Variants in ANP32E observed in about 807,000 individuals in gnomAD.
ANP32E encodes the protein acidic leucine-rich nuclear phosphoprotein 32 family member E.
ANP32E carries 14 observed loss-of-function variants against 35.3 expected under a neutral mutation model. That is an observed-to-expected ratio of 0.40 (90% confidence interval 0.26 to 0.62). ANP32E has a LOEUF of 0.62. ANP32E is among the 20% of genes least tolerant of loss of function. The pLI is 0.45. For synonymous variants in ANP32E, 89 were observed against 110.4 expected (o/e 0.81, Z 1.22); for missense variants, 198 against 304.4 (o/e 0.65, Z 2.60).
intron 6 of ANP32E, among the ~76,000 whole-genome samples, chr1:150,221,604 G>GGGCAGGAAGGAAGGAAGGAAGGAAGGAA (rs1648409806): frequency 5.4e-5 from 2 of 36,866 alleles, no homozygotes; most frequent in Admixed American, 3.1e-4. Context: ...GAGGGAGGGA[G>GGGCAGGAAGGAAGGAAGGAAGGAAGGAA]GGAAGGAAGG....
chr1:150,222,055 T>C (rs756234847), intron 6 of ANP32E, among the ~76,000 whole-genome samples: 5 of 151,862 alleles, frequency 3.3e-5, no homozygotes. Context: ...ATTGCCACAC[T>C]GCACTCACTG....
chr1:150,224,256 T>C (rs1398861150), intron 5 of ANP32E, among the ~76,000 whole-genome samples: 2 of 152,102 alleles, frequency 1.3e-5, no homozygotes, highest in Admixed American at 6.6e-5. Context: ...ATGTGGCTTT[T>C]GTTGCAGAAT....
intron 2 of ANP32E, 44 bp from the exon 3 acceptor site, chr1:150,230,737 C>T: frequency 8.6e-6 from 13 of 1,516,680 alleles, no homozygotes; most frequent in South Asian, 1.2e-5. Context: ...GTAAAGGTAT[C>T]ATATCAAACT....
In ANP32E at chr1:150,230,567, T is replaced by C; in HGVS notation, c.327+4A>G. On this transcript the variant is annotated splice_donor_region_variant and intron_variant, in intron 3 of 6. Coordinates refer to ENST00000583931, the MANE Select transcript of ANP32E (RefSeq NM_030920.5). The stretch of plus-strand genomic sequence containing the variant: ...AAGTCCAGAGACAAAACTGTTCCAC[T>C]TACCAGAGCTTCTACTGTACTGAGA... The C allele has an allele frequency of 6.3e-7, 1 of 1,596,088 alleles. No homozygotes were observed. The highest frequency in any genetic ancestry group is 1.3e-5 in the African/African-American group (1 of 74,226).
intron 1 of ANP32E, among the ~76,000 whole-genome samples, chr1:150,233,264 C>CAAA (rs60732970): frequency 8.1e-5 from 7 of 86,386 alleles, no homozygotes; most frequent in East Asian, 3.2e-4. Flanking sequence ...GACTCTATCT[C>CAAA]AAAAAAAAAA....
At position 150,220,559 on chromosome 1, in the gene ANP32E, G is replaced by C. The variant is rs587637181; in HGVS notation, c.*132C>G. ...TATTTGGAATGATAAGGCAAAAATA[G>C]TAAAACCACACTTTTCCTATAAAAA... On this transcript the variant is annotated 3_prime_UTR_variant, in exon 7 of 7. Transcript: ENST00000583931. 2 of 865,644 alleles carry C rather than the reference G, an allele frequency of 2.3e-6. No individual in the cohort carries two copies. Among genetic ancestry groups the C allele is most frequent in the South Asian group, 3.3e-5 (2 of 60,572 alleles). 53.6% of individuals were successfully genotyped at this position (865,644 alleles called of 1,614,324 possible).
intron 2 of ANP32E, among the ~76,000 whole-genome samples, chr1:150,230,900 A>G (rs587686333): frequency 6.6e-6 from 1 of 152,028 alleles, no homozygotes; most frequent in East Asian, 1.9e-4. Context: ...CCACCACCAC[A>G]CCCAGCTAAC....
At position 150,223,806 on chromosome 1, in the gene ANP32E, C is replaced by T. The variant is rs180850582; in HGVS notation, c.682-566G>A. 5.0e-3 allele frequency among the ~76,000 whole-genome samples: 739 copies of T among 146,986 alleles called. 4 individuals carry two copies. Among genetic ancestry groups the T allele is most frequent in the African/African-American group, 0.018 (703 of 39,680 alleles). ...TGTTGCCCAGGCTGAAGTGCAATGG[C>T]GTGATCTCGGCTCACCGCAAACTCC... On this transcript the variant is annotated intron_variant, in intron 5 of 6. Coordinates refer to ENST00000583931, the MANE Select transcript of ANP32E (RefSeq NM_030920.5).
At chr1:150,222,288 C>T (rs1213236286) in intron 6 of ANP32E, among the ~76,000 whole-genome samples, 19 of 150,648 alleles carry the variant, frequency 1.3e-4, no homozygotes, top group Admixed American at 6.6e-4. Context: ...GGCGTGGTGG[C>T]GGCGCCTATA....
At chr1:150,233,258 C>CT (rs1453268287) in intron 1 of ANP32E, among the ~76,000 whole-genome samples, 16 of 93,680 alleles carry the variant, frequency 1.7e-4, no homozygotes, top group Admixed American at 8.6e-4. Flanking sequence ...GATAGAGACT[C>CT]TATCTCAAAA....
chr1:150,233,212 C>G (rs1470162738), intron 1 of ANP32E, among the ~76,000 whole-genome samples: 2 of 145,538 alleles, frequency 1.4e-5, no homozygotes, highest in Admixed American at 1.4e-4. Flanking sequence ...TTGCAGTGAG[C>G]CGAGGCCGCA....
chr1:150,235,622 G>C lies in ANP32E; in HGVS notation c.54+111C>G. ...CATTTCCCCAACCCTAACCCGGGGG[G>C]ATGGGGGCTAACTTATTACTCCATC... On this transcript the variant is annotated intron_variant, in intron 1 of 6. Transcript: ENST00000583931. This position sits in a 1 kb window ranked among gnomAD's most constrained non-coding sequence, Gnocchi z 4.2. 8.7e-7 allele frequency: 1 copy of C among 1,152,104 alleles called. No individual in the cohort carries two copies. Among genetic ancestry groups the C allele is most frequent in the Admixed American group, 2.2e-5 (1 of 45,510 alleles). 71.4% of individuals were successfully genotyped at this position (1,152,104 alleles called of 1,614,324 possible).
chr1:150,234,125 GA>G (rs1368499584), intron 1 of ANP32E, among the ~76,000 whole-genome samples: 4 of 150,240 alleles, frequency 2.7e-5, no homozygotes, highest in African/African-American at 9.8e-5. Context: ...GGAAGAAGTT[GA>G]AAAAAGGCAA....
In ANP32E at chr1:150,236,042, G is replaced by GCACACACATACA. The variant is rs60015667; in HGVS notation, c.-268_-257dup. 1.9e-6 allele frequency: 1 copy of GCACACACATACA among 525,214 alleles called. No homozygotes were observed. The highest frequency in any genetic ancestry group is 3.4e-6 in the Non-Finnish European group (1 of 290,292). 32.5% of individuals were successfully genotyped at this position (525,214 alleles called of 1,614,324 possible). ...CGCGCACACACACGCACGCACGCGC[G>GCACACACATACA]CACACACATACACACACACATACAC... On this transcript the variant is annotated 5_prime_UTR_variant, in exon 1 of 7. In the 5' UTR this introduces an upstream ATG that the reference lacks. Transcript: ENST00000583931.
intron 5 of ANP32E, among the ~76,000 whole-genome samples, chr1:150,223,693 A>AAC (rs1553838851): frequency 6.9e-6 from 1 of 145,926 alleles, no homozygotes; most frequent in African/African-American, 2.5e-5. Flanking sequence ...AAAAAAAAAA[A>AAC]AAAAAAAACC....
chr1:150,221,533 AAGGGAGGGAGGG>A (rs1293280396), intron 6 of ANP32E, among the ~76,000 whole-genome samples: 1 of 33,536 alleles, frequency 3.0e-5, no homozygotes, highest in Non-Finnish European at 5.1e-5. Flanking sequence ...GAGTGGGAGG[AAGGGAGGGAGGG>A]AGGGAGGGAG....
At chr1:150,221,576 G>T (rs1648394721) in intron 6 of ANP32E, among the ~76,000 whole-genome samples, 1 of 9,352 alleles carries the variant, frequency 1.1e-4, no homozygotes, top group Admixed American at 9.5e-4. Flanking sequence ...GAAGGAGAGT[G>T]GGAGGAAGGG....
At chr1:150,227,388 C>T (rs6677454) in intron 4 of ANP32E, among the ~76,000 whole-genome samples, 4,393 of 152,166 alleles carry the variant, frequency 0.029, 219 homozygotes, top group African/African-American at 0.1. Flanking sequence ...AAATGTAGAA[C>T]ATACACATGA....
At chr1:150,227,631 G>A (rs2101776853) in intron 4 of ANP32E, among the ~76,000 whole-genome samples, 1 of 151,364 alleles carries the variant, frequency 6.6e-6, no homozygotes, top group Admixed American at 6.6e-5. Flanking sequence ...CTACCTATTA[G>A]GCACTATGTT....
Sources: gnomAD v4.1 joint callset for allele counts (sites outside exome capture counted in the v4.1 genomes callset) on GRCh38, gnomAD v4.1.1 for gene constraint, Gnocchi (gnomAD v3.1) non-coding constraint, MANE v1.5 for transcripts, NCBI Gene and HGNC (gene_info 2026-07-23, HGNC 2026-07-21) for gene names.